The following HMGCLL1 variants were observed in gnomAD, a reference collection of about 807,000 sequenced individuals.
HMGCLL1 encodes the protein 3-hydroxy-3-methylglutaryl-CoA lyase like 1.
HMGCLL1 carries 36 observed loss-of-function variants against 39.1 expected under a neutral mutation model. That is an observed-to-expected ratio of 0.92 (90% confidence interval 0.71 to 1.22). HMGCLL1 has a LOEUF of 1.22. Ranked by LOEUF, HMGCLL1 falls within the 50% of genes most tolerant of loss-of-function variation. HMGCLL1 has a pLI of 0.00. For missense variants in HMGCLL1, 451 were observed against 416.5 expected (o/e 1.08, Z -0.72); for synonymous variants, 149 against 144.0 (o/e 1.03, Z -0.25).
At chr6:55,673,341 G>A in the HMGCLL1 span, among the ~76,000 whole-genome samples, 17 of 151,972 alleles carry the variant, frequency 1.1e-4, no homozygotes, top group African/African-American at 4.1e-4. Context: ...GCTTGCAAGC[G>A]TTACTGAGCC....
chr6:55,630,205 C>G, the HMGCLL1 span, among the ~76,000 whole-genome samples: 3 of 152,160 alleles, frequency 2.0e-5, no homozygotes, highest in Admixed American at 6.5e-5. Context: ...CTACCTCTTG[C>G]ATCAGTGTGA....
the HMGCLL1 span, among the ~76,000 whole-genome samples, chr6:55,661,685 G>A: frequency 1.3e-5 from 2 of 151,854 alleles, no homozygotes; most frequent in African/African-American, 4.8e-5. Flanking sequence ...GGATTGCCTT[G>A]GCTATTTGGA....
intron 3 of HMGCLL1, among the ~76,000 whole-genome samples, chr6:55,531,566 T>C (rs982548008): frequency 1.1e-4 from 16 of 152,094 alleles, no homozygotes; most frequent in African/African-American, 3.4e-4. Flanking sequence ...CTCAATACAA[T>C]TGAATAAAAG....
chr6:55,454,092 T>C (rs1764222079), intron 7 of HMGCLL1, among the ~76,000 whole-genome samples: 1 of 152,218 alleles, frequency 6.6e-6, no homozygotes, highest in Admixed American at 6.5e-5. Context: ...CACTTCCCCA[T>C]TTGCAGTTGG....
intron 2 of HMGCLL1, 48 bp from the exon 3 acceptor site, chr6:55,541,884 T>G (rs1478402592): frequency 1.7e-6 from 2 of 1,146,112 alleles, no homozygotes; most frequent in Admixed American, 2.1e-5. Context: ...AGGTCCTATT[T>G]AAGCACAAAC....
chr6:55,515,477 T>C (rs879650103), intron 4 of HMGCLL1, among the ~76,000 whole-genome samples: 1 of 152,126 alleles, frequency 6.6e-6, no homozygotes, highest in Non-Finnish European at 1.5e-5. Context: ...CTAAGTGTTG[T>C]TATGCCAATT....
intron 4 of HMGCLL1, among the ~76,000 whole-genome samples, chr6:55,515,789 G>A (rs1581885039): frequency 6.6e-6 from 1 of 151,904 alleles, no homozygotes; most frequent in Non-Finnish European, 1.5e-5. Flanking sequence ...AAAATAAATG[G>A]TTCTAACAAA....
the HMGCLL1 span, among the ~76,000 whole-genome samples, chr6:55,654,800 T>C: frequency 3.9e-5 from 6 of 151,932 alleles, no homozygotes; most frequent in African/African-American, 1.4e-4. Context: ...TTTCTTCTTC[T>C]CTGTCAACCC....
At chr6:55,460,010 T>A (rs2127394972) in intron 7 of HMGCLL1, among the ~76,000 whole-genome samples, 1 of 152,160 alleles carries the variant, frequency 6.6e-6, no homozygotes, top group East Asian at 1.9e-4. Context: ...TACTATGGCA[T>A]TTCTTAATAA....
At chr6:55,645,210 GGCATATA>G in the HMGCLL1 span, among the ~76,000 whole-genome samples, 1 of 151,382 alleles carries the variant, frequency 6.6e-6, no homozygotes, top group Non-Finnish European at 1.5e-5. Flanking sequence ...GATCACCATT[GGCATATA>G]GAAATGCCAC....
Position 55,553,067 on chromosome 6 carries a change from C to T in HMGCLL1, c.109-10927G>A, listed in dbSNP as rs369654972. Among the ~76,000 whole-genome samples the T allele has an allele frequency of 1.1e-3, 171 of 150,196 alleles. 2 individuals carry two copies. Among genetic ancestry groups the T allele is most frequent in the African/African-American group, 3.8e-3 (152 of 40,018 alleles). ...CTTAGGCAGGAGAATCACTTGAATC[C>T]GGGAGGAGAAGATTGCAGTGAGCCG... On this transcript the variant is annotated intron_variant, in intron 1 of 8. Transcript: ENST00000274901.
At chr6:55,441,319 A>G (rs192742214) in intron 7 of HMGCLL1, among the ~76,000 whole-genome samples, 1 of 152,104 alleles carries the variant, frequency 6.6e-6, no homozygotes, top group Non-Finnish European at 1.5e-5. Flanking sequence ...TTGGATATTG[A>G]CTATAGGGGT....
chr6:55,645,193 T>C, the HMGCLL1 span, among the ~76,000 whole-genome samples: 1 of 151,994 alleles, frequency 6.6e-6, no homozygotes, highest in African/African-American at 2.4e-5. Context: ...TACTTCTTTT[T>C]CACATTGATC....
At chr6:55,653,411 C>A in the HMGCLL1 span, among the ~76,000 whole-genome samples, 1 of 151,826 alleles carries the variant, frequency 6.6e-6, no homozygotes, top group Non-Finnish European at 1.5e-5. Flanking sequence ...AAATACAAAA[C>A]AGTTTGGATT....
intron 1 of HMGCLL1, among the ~76,000 whole-genome samples, chr6:55,552,097 C>A (rs1186047031): frequency 6.6e-6 from 1 of 151,780 alleles, no homozygotes; most frequent in Non-Finnish European, 1.5e-5. Context: ...ATTTAAGGGG[C>A]ATTTTAAAAA....
At chr6:55,553,178 T>TAG (rs1554158772) in intron 1 of HMGCLL1, among the ~76,000 whole-genome samples, 1 of 30,596 alleles carries the variant, frequency 3.3e-5, no homozygotes, top group East Asian at 1.8e-3. Flanking sequence ...TATATATACA[T>TAG]ACACACACAC....
At chr6:55,539,862 GAAA>G in intron 3 of HMGCLL1, among the ~76,000 whole-genome samples, 1 of 27,398 alleles carries the variant, frequency 3.6e-5, no homozygotes, top group African/African-American at 2.6e-4. Context: ...GAAAGAGGAA[GAAA>G]GAAAGAAAGA....
intron 8 of HMGCLL1, among the ~76,000 whole-genome samples, chr6:55,438,664 T>G (rs996998960): frequency 3.3e-5 from 5 of 152,034 alleles, no homozygotes; most frequent in Non-Finnish European, 2.9e-5. Context: ...AGAAGCAAGT[T>G]TAATGCAGCC....
intron 7 of HMGCLL1, among the ~76,000 whole-genome samples, chr6:55,490,804 A>G (rs1245781719): frequency 7.4e-6 from 1 of 135,862 alleles, no homozygotes; most frequent in Non-Finnish European, 1.6e-5. Context: ...CTAATTGATC[A>G]CCTATTGCCA....
Sources: allele counts gnomAD v4.1 joint callset (sites outside exome capture counted in the v4.1 genomes callset), GRCh38; gene constraint gnomAD v4.1.1; transcripts MANE v1.5; gene names NCBI Gene and HGNC (gene_info 2026-07-23, HGNC 2026-07-21).